The following RYR3 variants were observed in gnomAD, a reference collection of about 807,000 sequenced individuals.
RYR3 encodes brain ryanodine receptor-calcium release channel.
A neutral mutation model predicts 584.3 loss-of-function variants in RYR3; 207 were observed. The observed-to-expected ratio is 0.35, with a 90% CI of 0.32 to 0.40. The LOEUF (loss-of-function observed/expected upper bound fraction) is 0.40. Ranked by LOEUF, RYR3 falls within the 10% of genes least tolerant of loss-of-function variation. RYR3 has a pLI of 1.00. For synonymous variants in RYR3, 2,416 were observed against 2,248.5 expected (o/e 1.07, Z -2.11); for missense variants, 5,616 against 6,089.2 (o/e 0.92, Z 2.59).
intron 92 of RYR3, 149 bp downstream of exon 92, chr15:33,843,723 AATAC>A: frequency 1.6e-6 from 1 of 612,394 alleles, no homozygotes; most frequent in Non-Finnish European, 2.9e-6. Flanking sequence ...TTCTAAAAGG[AATAC>A]AATTTCTAGC....
intron 1 of RYR3, among the ~76,000 whole-genome samples, chr15:33,397,422 G>T (rs2042365420): frequency 6.6e-6 from 1 of 152,202 alleles, no homozygotes; most frequent in Non-Finnish European, 1.5e-5. Context: ...TAGGCCCTAT[G>T]CATCAAAAGG....
chr15:33,862,684 C>T (rs1421376852), intron 102 of RYR3, among the ~76,000 whole-genome samples: 1 of 152,018 alleles, frequency 6.6e-6, no homozygotes, highest in Non-Finnish European at 1.5e-5. Context: ...CATCTTGGCT[C>T]ACTGTAGCCT....
chr15:33,461,345 G>C (rs1440847823), intron 1 of RYR3, among the ~76,000 whole-genome samples: 1 of 152,122 alleles, frequency 6.6e-6, no homozygotes, highest in African/African-American at 2.4e-5. Context: ...GCAGAAATAG[G>C]CTTCACTCCA....
intron 64 of RYR3, among the ~76,000 whole-genome samples, chr15:33,774,404 C>T (rs892079290): frequency 3.3e-5 from 5 of 152,198 alleles, no homozygotes; most frequent in African/African-American, 1.2e-4. Context: ...ATCGAAAATC[C>T]TTCGGTATCT....
intron 4 of RYR3, among the ~76,000 whole-genome samples, chr15:33,532,017 A>G (rs893390288): frequency 6.6e-6 from 1 of 152,228 alleles, no homozygotes; most frequent in African/African-American, 2.4e-5. Context: ...CCTAAAAAAA[A>G]GTTCTACTCA....
rs961850582 is a variant in RYR3, at chr15:33,808,328, G to T, written c.10026+759G>T. On this transcript the variant is annotated intron_variant, in intron 70 of 103. Coordinates refer to ENST00000634891, the MANE Select transcript of RYR3 (RefSeq NM_001036.6). ...TTTACAAAACTGACTGGTTTCAGGG[G>T]TTTTGGGAGGATCATAAATGTTTTA... Among the ~76,000 whole-genome samples the T allele has an allele frequency of 2.6e-5, 4 of 152,312 alleles. No individual in the cohort carries two copies. In the East Asian group the frequency reaches 7.7e-4, roughly 29 times the overall value.
At chr15:33,851,141 T>C (rs1199190720) in intron 94 of RYR3, 2 of 152,210 alleles carry the variant, frequency 1.3e-5, no homozygotes, top group Non-Finnish European at 2.9e-5. Flanking sequence ...TCAATTTTCC[T>C]GACAGTAGAT....
chr15:33,669,839 T>TGGGGGG, intron 37 of RYR3, among the ~76,000 whole-genome samples: 1 of 11,440 alleles, frequency 8.7e-5, no homozygotes, highest in African/African-American at 2.9e-4. Flanking sequence ...GGGGTGTGTG[T>TGGGGGG]GTGTGGGGGG....
At chr15:33,678,067 G>A (rs112992673) in intron 38 of RYR3, among the ~76,000 whole-genome samples, 53 of 152,300 alleles carry the variant, frequency 3.5e-4, no homozygotes, top group African/African-American at 1.1e-3. Flanking sequence ...GGGAAATTCC[G>A]TCCATGCCAC....
At chr15:33,862,684 C>G (rs1421376852) in intron 102 of RYR3, among the ~76,000 whole-genome samples, 1 of 152,018 alleles carries the variant, frequency 6.6e-6, no homozygotes, top group Non-Finnish European at 1.5e-5. Context: ...CATCTTGGCT[C>G]ACTGTAGCCT....
At position 33,530,685 on chromosome 15, in the gene RYR3, C is replaced by T; in HGVS notation, c.354+19C>T. On this transcript the variant is annotated intron_variant, in intron 4 of 103. Coordinates refer to ENST00000634891, the MANE Select transcript of RYR3 (RefSeq NM_001036.6). ...CGGAATGGTAAGCAGCTCTGGTGCC[C>T]ACTTTCATCATTCAAGGAGAAGGAA... 1 of 1,589,562 alleles carries T rather than the reference C, an allele frequency of 6.3e-7. No homozygotes were observed. Among genetic ancestry groups the T allele is most frequent in the Non-Finnish European group, 8.6e-7 (1 of 1,158,192 alleles).
At chr15:33,823,101 T>A (rs1567247405) in intron 81 of RYR3, 29 bp downstream of exon 81, 2 of 1,584,362 alleles carry the variant, frequency 1.3e-6, no homozygotes, top group Non-Finnish European at 1.7e-6. Context: ...CCATAGCATT[T>A]AAAAAACTCT....
In RYR3 at chr15:33,548,012, G is replaced by A. The variant is rs144456552; in HGVS notation, c.741-118G>A. ...TCTTATTCTGGCTTTGCATTCTGCT[G>A]ACTCCAAAAGGGCTTAGACAAGCTC... On this transcript the variant is annotated intron_variant, in intron 8 of 103. Transcript: ENST00000634891. 6.2e-4 allele frequency: 425 copies of A among 690,332 alleles called. 3 individuals carry two copies. Among genetic ancestry groups the A allele is most frequent in the Middle Eastern group, 2.0e-3 (6 of 3,016 alleles). The allele number at this position is 690,332 out of a possible 1,614,324, so 42.8% of individuals were successfully genotyped here.
intron 1 of RYR3, among the ~76,000 whole-genome samples, chr15:33,367,478 G>A (rs1455553023): frequency 6.6e-5 from 10 of 152,138 alleles, no homozygotes; most frequent in Non-Finnish European, 1.5e-4. Context: ...TGTGAACAAC[G>A]GGGCTTTCTA....
chr15:33,347,032 G>A (rs1972545295), intron 1 of RYR3, among the ~76,000 whole-genome samples: 1 of 152,118 alleles, frequency 6.6e-6, no homozygotes, highest in African/African-American at 2.4e-5. Flanking sequence ...GTTTTGGGGA[G>A]GAAGATCACA....
chr15:33,557,717 A>G (rs1467752997), intron 10 of RYR3, among the ~76,000 whole-genome samples: 1 of 152,168 alleles, frequency 6.6e-6, no homozygotes, highest in Non-Finnish European at 1.5e-5. Context: ...TTCCAGGAAT[A>G]TTAAACCAAT....
intron 1 of RYR3, among the ~76,000 whole-genome samples, chr15:33,329,046 C>G (rs184041694): frequency 6.6e-6 from 1 of 152,112 alleles, no homozygotes; most frequent in Non-Finnish European, 1.5e-5. Context: ...GTTAGAGTAA[C>G]GGCAGTTACT....
chr15:33,597,864 C>T lies in RYR3; in HGVS notation c.1789-3555C>T, dbSNP rs1181520538. Among the ~76,000 whole-genome samples, 5 of 151,446 alleles carry T rather than the reference C, an allele frequency of 3.3e-5. No individual in the cohort carries two copies. The South Asian group carries it at 1.0e-3, about 32-fold the overall frequency. On this transcript the variant is annotated intron_variant, in intron 16 of 103. Coordinates refer to ENST00000634891, the MANE Select transcript of RYR3 (RefSeq NM_001036.6). ...TACATATAAAAACTTATGAGGCGTGCCAATGGAAGTACATTTTATAGATTT... is the reference window on the plus strand; with the variant it reads ...TACATATAAAAACTTATGAGGCGTGTCAATGGAAGTACATTTTATAGATTT...
intron 20 of RYR3, among the ~76,000 whole-genome samples, chr15:33,627,541 G>C (rs2061055849): frequency 6.6e-6 from 1 of 152,164 alleles, no homozygotes; most frequent in African/African-American, 2.4e-5. Flanking sequence ...TAAGGGTTAA[G>C]GTTGCATATG....
Sources: gnomAD v4.1 joint callset for allele counts (sites outside exome capture counted in the v4.1 genomes callset) on GRCh38, gnomAD v4.1.1 for gene constraint, MANE v1.5 for transcripts, NCBI Gene and HGNC (gene_info 2026-07-23, HGNC 2026-07-21) for gene names.